The following CATSPERT variants were observed in gnomAD, a reference collection of about 807,000 sequenced individuals.
CATSPERT encodes cation channel sperm-associated targeting subunit tau.
the CATSPERT span, among the ~76,000 whole-genome samples, chr2:201,581,593 T>C: frequency 0.06 from 1,842 of 30,666 alleles, 271 homozygotes; most frequent in East Asian, 0.25. Context: ...TATATATATA[T>C]ACACATACAT....
At chr2:201,525,150 C>T in the CATSPERT span, among the ~76,000 whole-genome samples, 17 of 152,204 alleles carry the variant, frequency 1.1e-4, no homozygotes, top group Non-Finnish European at 2.4e-4. Context: ...CCCAGAATAA[C>T]AGAATATACA....
chr2:201,501,495 A>G, the CATSPERT span, among the ~76,000 whole-genome samples: 3 of 152,068 alleles, frequency 2.0e-5, no homozygotes, highest in South Asian at 6.2e-4. Flanking sequence ...CATTAGAATA[A>G]GAGCAGCAAA....
chr2:201,534,994 GAA>G, the CATSPERT span: 3 of 478,284 alleles, frequency 6.3e-6, no homozygotes, highest in Non-Finnish European at 8.2e-6. Context: ...AAGACTAAAA[GAA>G]AATAAAATTG....
At chr2:201,602,936 C>G in the CATSPERT span, among the ~76,000 whole-genome samples, 74 of 152,212 alleles carry the variant, frequency 4.9e-4, no homozygotes, top group African/African-American at 1.8e-3. Flanking sequence ...AGAGATCCAA[C>G]CATTTCAGCA....
the CATSPERT span, chr2:201,582,256 T>C: frequency 6.4e-7 from 1 of 1,554,696 alleles, no homozygotes; most frequent in African/African-American, 1.4e-5. Context: ...GCATTAAATT[T>C]GAGCCTAAAT....
the CATSPERT span, chr2:201,557,956 C>T: frequency 6.6e-6 from 1 of 152,192 alleles, no homozygotes; most frequent in African/African-American, 2.4e-5. Context: ...GAGCTACACT[C>T]TTCACCACTT....
chr2:201,544,112 GT>G, the CATSPERT span, among the ~76,000 whole-genome samples: 1 of 152,012 alleles, frequency 6.6e-6, no homozygotes, highest in Non-Finnish European at 1.5e-5. Flanking sequence ...TGCGGTGTTC[GT>G]TTTTTTGTCC....
the CATSPERT span, chr2:201,535,525 A>C: frequency 1.5e-5 from 14 of 936,676 alleles, no homozygotes; most frequent in Admixed American, 7.9e-4. Flanking sequence ...AAGAATTTCC[A>C]CTGAAATAAC....
At chr2:201,499,537 A>G in the CATSPERT span, among the ~76,000 whole-genome samples, 2 of 152,124 alleles carry the variant, frequency 1.3e-5, no homozygotes, top group African/African-American at 4.8e-5. Context: ...GCTGCCTTCA[A>G]AACAGATCAA....
At chr2:201,540,072 G>A in the CATSPERT span, among the ~76,000 whole-genome samples, 1 of 152,174 alleles carries the variant, frequency 6.6e-6, no homozygotes, top group Non-Finnish European at 1.5e-5. Flanking sequence ...TTAAGCCAAA[G>A]CCTAATCCAG....
At chr2:201,592,209 A>C in the CATSPERT span, among the ~76,000 whole-genome samples, 54,830 of 151,460 alleles carry the variant, frequency 0.36, 10,454 homozygotes, top group East Asian at 0.7. Flanking sequence ...GAATTTTGTC[A>C]AAGGCCTTTT....
the CATSPERT span, among the ~76,000 whole-genome samples, chr2:201,534,040 TTATCTATCTATCTATCTATC>T: frequency 8.1e-5 from 12 of 148,556 alleles, no homozygotes; most frequent in East Asian, 2.0e-4. Context: ...GATCTGTATA[TTATCTATCTATCTATCTATC>T]TATCTATCTA....
chr2:201,579,114 T>G, the CATSPERT span, among the ~76,000 whole-genome samples: 2 of 152,284 alleles, frequency 1.3e-5, no homozygotes, highest in Middle Eastern at 6.8e-3. Context: ...AATAAGAAAA[T>G]TCATACATAT....
the CATSPERT span, among the ~76,000 whole-genome samples, chr2:201,527,172 A>T: frequency 6.6e-6 from 1 of 152,146 alleles, no homozygotes; most frequent in Admixed American, 6.5e-5. Context: ...CCAAAATAAG[A>T]GTAAAATACC....
At chr2:201,595,341 A>C in the CATSPERT span, among the ~76,000 whole-genome samples, 85 of 150,652 alleles carry the variant, frequency 5.6e-4, no homozygotes, top group African/African-American at 2.0e-3. Context: ...GGCGCCCGCC[A>C]CCTCGCCCGG....
the CATSPERT span, among the ~76,000 whole-genome samples, chr2:201,532,346 A>G: frequency 2.6e-5 from 4 of 152,378 alleles, no homozygotes. Flanking sequence ...TGCTGAAAAG[A>G]TTAAAGGAAT....
At chr2:201,496,988 C>G in the CATSPERT span, among the ~76,000 whole-genome samples, 2 of 152,180 alleles carry the variant, frequency 1.3e-5, no homozygotes, top group Non-Finnish European at 2.9e-5. Context: ...CCAACTCATA[C>G]AGAGAGAAAA....
the CATSPERT span, chr2:201,582,329 C>A: frequency 1.0e-6 from 1 of 964,254 alleles, no homozygotes; most frequent in African/African-American, 1.7e-5. Flanking sequence ...TATGCAAATA[C>A]TATTGCATAC....
the CATSPERT span, among the ~76,000 whole-genome samples, chr2:201,549,473 C>T: frequency 2.0e-5 from 3 of 152,046 alleles, no homozygotes; most frequent in Non-Finnish European, 4.4e-5. Flanking sequence ...AGCCCATATA[C>T]GTAGAAGCTA....
Sources: allele counts gnomAD v4.1 joint callset (sites outside exome capture counted in the v4.1 genomes callset), GRCh38; gene constraint gnomAD v4.1.1; transcripts MANE v1.5; gene names NCBI Gene and HGNC (gene_info 2026-07-23, HGNC 2026-07-21).